The following PIN4 variants were observed in gnomAD, a reference collection of about 807,000 sequenced individuals.
PIN4 encodes peptidylprolyl cis/trans isomerase, NIMA-interacting 4.
PIN4 carries 3 observed loss-of-function variants against 8.3 expected under a neutral mutation model. The ratio of observed to expected loss-of-function variants is 0.36; its 90% confidence interval spans 0.16 to 0.93. The LOEUF (loss-of-function observed/expected upper bound fraction) is 0.93, where lower values mean the gene tolerates loss of function less well. Among genes scored for constraint, PIN4 ranks in the 40% least tolerant of loss-of-function variants. PIN4 has a pLI of 0.44. For synonymous variants in PIN4, 18 were observed against 32.5 expected (o/e 0.55, Z 1.52); for missense variants, 75 against 100.6 (o/e 0.75, Z 1.09).
intron 3 of PIN4, among the ~76,000 whole-genome samples, chrX:72,232,653 A>G (rs1385766552): frequency 9.0e-6 from 1 of 111,275 alleles, no homozygotes; most frequent in Non-Finnish European, 1.9e-5. Context: ...TACTAAAAAC[A>G]CAAAAAATTA....
intron 2 of PIN4, among the ~76,000 whole-genome samples, chrX:72,188,972 T>C (rs1167659832): frequency 8.9e-6 from 1 of 112,063 alleles, no homozygotes; most frequent in Non-Finnish European, 1.9e-5. Flanking sequence ...CCTTTTATTT[T>C]GAGATAATTA....
intron 3 of PIN4, among the ~76,000 whole-genome samples, chrX:72,213,162 TGA>T (rs2042866260): frequency 9.0e-6 from 1 of 111,461 alleles, no homozygotes. Flanking sequence ...AACCCAGTTT[TGA>T]GAGACAGGAC....
intron 3 of PIN4, among the ~76,000 whole-genome samples, chrX:72,252,746 G>A (rs1445556983): frequency 1.8e-5 from 2 of 111,683 alleles, no homozygotes; most frequent in Admixed American, 1.9e-4. Context: ...TCACCTTCAT[G>A]ACCTAATCAC....
At position 72,190,472 on chromosome X, in the gene PIN4, GGAAAA is replaced by G. The variant is rs747162656; in HGVS notation, c.117+3956_117+3960del. ...TATGCATCAATAAAAAAGAAAGGAAGGAAAAGAAAAGAAAAGAAAAGATTTCCTTG... is the reference window on the plus strand; with the variant it reads ...TATGCATCAATAAAAAAGAAAGGAAGGAAAAGAAAAGAAAAGATTTCCTTG... On this transcript the variant is annotated intron_variant, in intron 2 of 3. Transcript: ENST00000373669. Among the ~76,000 whole-genome samples the G allele has an allele frequency of 7.3e-3, 808 of 110,619 alleles. 12 individuals are homozygous for G. The highest frequency in any genetic ancestry group is 0.018 in the Middle Eastern group (4 of 217).
At chrX:72,260,233 G>C (rs1048278458) in intron 3 of PIN4, among the ~76,000 whole-genome samples, 11 of 112,482 alleles carry the variant, frequency 9.8e-5, no homozygotes, top group African/African-American at 2.9e-4. Context: ...AGATACGAGA[G>C]TGCTCAAATT....
intron 3 of PIN4, among the ~76,000 whole-genome samples, chrX:72,212,649 G>A (rs1387274361): frequency 8.9e-6 from 1 of 112,533 alleles, no homozygotes; most frequent in Non-Finnish European, 1.9e-5. Context: ...ATTTTAGAAT[G>A]TGAAGAGACA....
intron 3 of PIN4, chrX:72,238,988 A>T (rs2043035135): frequency 1.0e-6 from 1 of 994,402 alleles, no homozygotes; most frequent in African/African-American, 1.9e-5. Context: ...TGGAGCTTAG[A>T]GTTTGGAGCT....
intron 3 of PIN4, chrX:72,207,698 C>T: frequency 1.7e-6 from 2 of 1,211,293 alleles, no homozygotes; most frequent in Non-Finnish European, 1.1e-6. Flanking sequence ...GAAGGCATTT[C>T]ACAAATGGCA....
chrX:72,196,192 C>T (rs1264775219), intron 2 of PIN4, among the ~76,000 whole-genome samples: 2 of 110,923 alleles, frequency 1.8e-5, no homozygotes, highest in Non-Finnish European at 3.8e-5. Flanking sequence ...CAGCTCTCAA[C>T]CCGTATCGTG....
intron 3 of PIN4, chrX:72,205,688 C>T (rs2042814316): frequency 4.1e-6 from 5 of 1,211,958 alleles, no homozygotes; most frequent in Non-Finnish European, 5.6e-6. Flanking sequence ...CCATCTGAAA[C>T]AATCCTTCTA....
intron 3 of PIN4, among the ~76,000 whole-genome samples, chrX:72,216,554 C>T (rs1050675628): frequency 1.8e-5 from 2 of 111,778 alleles, no homozygotes; most frequent in East Asian, 5.6e-4. Flanking sequence ...AACTCTGTAC[C>T]CATTAAGCTA....
intron 3 of PIN4, among the ~76,000 whole-genome samples, chrX:72,243,098 G>A (rs1350928457): frequency 2.8e-5 from 3 of 108,955 alleles, no homozygotes; most frequent in African/African-American, 1.0e-4. Flanking sequence ...TTGGGAGGTC[G>A]AGGTGGGTGG....
chrX:72,205,082 T>G (rs1214403206), intron 3 of PIN4: 2 of 1,209,481 alleles, frequency 1.7e-6, no homozygotes, highest in African/African-American at 3.5e-5. Context: ...GCACTTTTTA[T>G]GTCAAGCGCT....
downstream of PIN4, among the ~76,000 whole-genome samples, chrX:72,198,547 T>C (rs1009777514): frequency 2.7e-5 from 3 of 112,242 alleles, no homozygotes; most frequent in African/African-American, 9.7e-5. Flanking sequence ...GAAGTTCAAA[T>C]AGATATAAGA....
chrX:72,251,362 C>CAAAAAAAAAA lies in PIN4; in HGVS notation c.313-11341_313-11332dup, dbSNP rs35914181. ...TGGGCGACACAGCGAGACTCTGTCT[C>CAAAAAAAAAA]AAAAAAAAAAAAATATGTGTGAGTG... On this transcript the variant is annotated intron_variant, in intron 3 of 3. Coordinates refer to the PIN4 transcript ENST00000423432. Among the ~76,000 whole-genome samples, 5 of 65,626 alleles carry CAAAAAAAAAA rather than the reference C, an allele frequency of 7.6e-5. 1 individual carries two copies. The highest frequency in any genetic ancestry group is 5.1e-4 in the Admixed American group (3 of 5,844). The allele number at this position is 65,626 out of a possible 115,157, so 57.0% of individuals were successfully genotyped here.
intron 3 of PIN4, 70 bp from the exon 4 acceptor site, chrX:72,197,298 C>G: frequency 1.0e-6 from 1 of 993,974 alleles, no homozygotes; most frequent in Non-Finnish European, 1.4e-6. Flanking sequence ...TTGGGAAATT[C>G]TCTCAAGCTA....
chrX:72,223,497 C>A (rs2042937638), intron 3 of PIN4, among the ~76,000 whole-genome samples: 1 of 107,016 alleles, frequency 9.3e-6, no homozygotes, highest in African/African-American at 3.4e-5. Flanking sequence ...TCAAGCGATT[C>A]TCCTGCCTCA....
At chrX:72,230,859 G>A (rs1485416436) in intron 3 of PIN4, among the ~76,000 whole-genome samples, 1 of 111,627 alleles carries the variant, frequency 9.0e-6, no homozygotes, top group South Asian at 3.8e-4. Context: ...CAGCTACTTG[G>A]GGGGCTGAGG....
chrX:72,253,074 A>T (rs2043094382), intron 3 of PIN4, among the ~76,000 whole-genome samples: 1 of 111,491 alleles, frequency 9.0e-6, no homozygotes, highest in Non-Finnish European at 1.9e-5. Context: ...CTCAAACTTG[A>T]CCTGCCCTGG....
Sources: allele counts gnomAD v4.1 joint callset (sites outside exome capture counted in the v4.1 genomes callset), GRCh38; gene constraint gnomAD v4.1.1; transcripts MANE v1.5; gene names NCBI Gene and HGNC (gene_info 2026-07-23, HGNC 2026-07-21).